Variants in MAPT observed in about 807,000 individuals in gnomAD.
MAPT encodes microtubule-associated protein tau.
In MAPT, 34 loss-of-function variants were observed where a neutral mutation model predicts 67.9. The observed-to-expected ratio is 0.50, with a 90% CI of 0.38 to 0.67. The LOEUF is 0.67. Among genes scored for constraint, MAPT ranks in the 30% least tolerant of loss-of-function variants. MAPT has a pLI of 0.00. For synonymous variants in MAPT, 456 were observed against 464.5 expected (o/e 0.98, Z 0.23); for missense variants, 881 against 1,115.2 (o/e 0.79, Z 2.99).
chr17:46,014,186 CTCTG>C, intron 10 of MAPT, 53 bp from the exon 11 acceptor site: 2 of 985,492 alleles, frequency 2.0e-6, no homozygotes, highest in African/African-American at 1.6e-5. Context: ...CTTTTTGTCT[CTCTG>C]TCTTCCTCTC....
At chr17:45,962,495 G>C in intron 2 of MAPT, 25 bp downstream of exon 2, 1 of 1,611,916 alleles carries the variant, frequency 6.2e-7, no homozygotes, top group Non-Finnish European at 8.5e-7. Flanking sequence ...ATGCACAGCA[G>C]GCCCAGATCA....
intron 11 of MAPT, among the ~76,000 whole-genome samples, chr17:46,018,102 G>A (rs2076301494): frequency 6.7e-6 from 1 of 149,190 alleles, no homozygotes; most frequent in Admixed American, 6.7e-5. Flanking sequence ...CAGAGACCAT[G>A]CCACTGCACT....
At chr17:46,014,204 C>G in intron 10 of MAPT, 39 bp from the exon 11 acceptor site, 1 of 1,182,012 alleles carries the variant, frequency 8.5e-7, no homozygotes, top group South Asian at 1.2e-5. Flanking sequence ...TCCTCTCTCT[C>G]TGCCTTTCCT....
chr17:46,012,072 C>T (rs2075854850), intron 10 of MAPT, among the ~76,000 whole-genome samples: 1 of 152,190 alleles, frequency 6.6e-6, no homozygotes, highest in Non-Finnish European at 1.5e-5. Flanking sequence ...TTGCTGTTTT[C>T]AGCTGTTTGA....
intron 1 of MAPT, among the ~76,000 whole-genome samples, chr17:45,936,812 T>G (rs1006342745): frequency 3.3e-5 from 5 of 152,182 alleles, no homozygotes; most frequent in Non-Finnish European, 7.3e-5. Context: ...TTCCAAAGCC[T>G]TCTTCTGTTT....
chr17:45,972,239 A>G (rs1021693402), intron 3 of MAPT, among the ~76,000 whole-genome samples: 1 of 152,024 alleles, frequency 6.6e-6, no homozygotes, highest in African/African-American at 2.4e-5. Flanking sequence ...ACCCCCTTCA[A>G]AAGCCCCCTC....
intron 1 of MAPT, chr17:45,908,301 G>A (rs968952859): frequency 1.3e-5 from 2 of 152,258 alleles, no homozygotes; most frequent in Non-Finnish European, 2.9e-5. Context: ...AGGGGTCCAT[G>A]TGGCTAGAGG....
At position 45,993,900 on chromosome 17, in the gene MAPT, C is replaced by T. The variant is rs995253105; in HGVS notation, c.1732+2314C>T. On this transcript the variant is annotated intron_variant, in intron 8 of 12. Transcript: ENST00000262410. ...CTGTTTAAGCCTGATGATAATAAGG[C>T]TTTCGTGGATTTTTCTCTTTAAGCG... is the stretch of plus-strand genomic sequence containing the variant. The T allele has an allele frequency of 2.6e-6, 4 of 1,557,144 alleles. No homozygotes were observed. In the African/African-American group the frequency reaches 5.5e-5, roughly 21 times the overall value.
intron 1 of MAPT, among the ~76,000 whole-genome samples, chr17:45,926,632 A>G (rs1044861341): frequency 2.0e-5 from 3 of 152,200 alleles, no homozygotes; most frequent in Admixed American, 6.5e-5. Context: ...TTAAAAATCT[A>G]TAAGAGACAT....
chr17:45,992,593 T>C (rs1033714852), intron 8 of MAPT, among the ~76,000 whole-genome samples: 5 of 152,202 alleles, frequency 3.3e-5, no homozygotes, highest in African/African-American at 1.2e-4. Context: ...AGGAGTGCTA[T>C]TAAGAACAGT....
intron 1 of MAPT, among the ~76,000 whole-genome samples, chr17:45,900,082 G>A (rs756100209): frequency 1.8e-4 from 27 of 152,344 alleles, no homozygotes; most frequent in Non-Finnish European, 2.9e-4. Context: ...CCTGCTCTGA[G>A]ATTGTGGGTG....
intron 1 of MAPT, among the ~76,000 whole-genome samples, chr17:45,957,981 G>T (rs894390067): frequency 6.6e-6 from 1 of 152,022 alleles, no homozygotes; most frequent in Non-Finnish European, 1.5e-5. Flanking sequence ...GCTAAATCAG[G>T]AGGCTCTAGC....
In MAPT at chr17:45,983,048, G is replaced by A. The variant is rs911528307; in HGVS notation, c.469G>A (p.Val157Ile). 5 of 1,519,416 alleles carry A rather than the reference G, an allele frequency of 3.3e-6. No individual in the cohort carries two copies. The highest frequency in any genetic ancestry group is 2.5e-5 in the South Asian group (2 of 81,452). The allele number at this position is 1,519,416 out of a possible 1,614,324, so 94.1% of individuals were successfully genotyped here. A position where few individuals can be genotyped will look rare whatever the true frequency, so the allele number is the denominator to read the frequency against. Reference sequence around the variant, plus strand: ...CGCGAGCCTTCCTCAGCACCGTCCCGTTTGCCCAGCGCCTCCTCCAACAGG... The same window carrying A: ...CGCGAGCCTTCCTCAGCACCGTCCCATTTGCCCAGCGCCTCCTCCAACAGG... ...LTASLPQHRP[V>I]CPAPPPTGGP... is the part of the protein sequence containing the mutation. The change falls in exon 5 of 13, where the codon GTT (valine) becomes ATT (isoleucine). Residue 157 changes from valine (V) to isoleucine (I), a missense_variant. By Grantham distance (29) the Val-to-Ile change is conservative (BLOSUM62 3). Around this residue, in one of 6 missense-constraint regions of MAPT, gnomAD observed 687 missense variants for 766.1 expected, o/e 0.90. Coordinates refer to ENST00000262410, the MANE Select transcript of MAPT (RefSeq NM_001377265.1).
chr17:45,960,951 C>A (rs1044913523), intron 1 of MAPT, among the ~76,000 whole-genome samples: 1 of 152,086 alleles, frequency 6.6e-6, no homozygotes, highest in African/African-American at 2.4e-5. Flanking sequence ...TACTTTCACA[C>A]CTCTGTCCAC....
intron 1 of MAPT, among the ~76,000 whole-genome samples, chr17:45,939,254 G>A (rs184749408): frequency 3.3e-4 from 50 of 152,198 alleles, no homozygotes; most frequent in Middle Eastern, 3.4e-3. Context: ...CACTGCACTC[G>A]GCCTTAAGAG....
chr17:46,000,510 C>G (rs1190108394), intron 9 of MAPT, among the ~76,000 whole-genome samples: 1 of 152,104 alleles, frequency 6.6e-6, no homozygotes, highest in Non-Finnish European at 1.5e-5. Context: ...TTGTGGGAGT[C>G]GTGGGTGGCA....
intron 2 of MAPT, among the ~76,000 whole-genome samples, chr17:45,963,076 G>A (rs1480267504): frequency 2.6e-5 from 4 of 152,124 alleles, no homozygotes; most frequent in African/African-American, 9.7e-5. Context: ...ATAAATCAGT[G>A]GTATTGATTA....
chr17:45,961,930 A>G lies in MAPT; in HGVS notation c.-17-391A>G, dbSNP rs945249071. On this transcript the variant is annotated intron_variant, in intron 1 of 12. Coordinates refer to ENST00000262410, the MANE Select transcript of MAPT (RefSeq NM_001377265.1). ...AGCTGGGATTACAGGCACCTGCCAC[A>G]TGCCTGGCTAATTATTGTATTTTTA... Among the ~76,000 whole-genome samples, 39 of 151,962 alleles carry G rather than the reference A, an allele frequency of 2.6e-4. 1 individual carries two copies.
chr17:45,900,812 T>C (rs1253087666), intron 1 of MAPT, among the ~76,000 whole-genome samples: 1 of 152,026 alleles, frequency 6.6e-6, no homozygotes, highest in East Asian at 1.9e-4. Flanking sequence ...CTTGGAGAGT[T>C]TTTTGTCATC....
Sources: gnomAD v4.1 joint callset for allele counts (sites outside exome capture counted in the v4.1 genomes callset) on GRCh38, gnomAD v4.1.1 for gene constraint, gnomAD v4.1.1 regional missense constraint, MANE v1.5 for transcripts, NCBI Gene and HGNC (gene_info 2026-07-23, HGNC 2026-07-21) for gene names.